Variants in PPP1R42 observed in about 807,000 individuals in gnomAD.
The protein encoded by PPP1R42 is protein phosphatase 1 regulatory subunit 42.
In PPP1R42, 34 loss-of-function variants were observed where a neutral mutation model predicts 31.0. The ratio of observed to expected loss-of-function variants is 1.10; its 90% CI spans 0.83 to 1.46. The LOEUF (loss-of-function observed/expected upper bound fraction) is 1.46, where lower values mean the gene tolerates loss of function less well. Among genes scored for constraint, PPP1R42 ranks in the 40% most tolerant of loss-of-function variants. The pLI is 0.00. For missense variants in PPP1R42, 268 were observed against 303.0 expected (o/e 0.88, Z 0.86); for synonymous variants, 103 against 109.8 (o/e 0.94, Z 0.39).
chr8:66,998,345 G>T (rs889634705), intron 5 of PPP1R42, among the ~76,000 whole-genome samples: 20 of 152,060 alleles, frequency 1.3e-4, no homozygotes, highest in Non-Finnish European at 2.1e-4. Flanking sequence ...TTCATTTCTA[G>T]TTGTTCACTG....
In PPP1R42 at chr8:66,972,588, C is replaced by T. The variant is rs191726825; in HGVS notation, c.803-8254G>A. On this transcript the variant is annotated intron_variant, in intron 7 of 7. Coordinates refer to ENST00000685739, the MANE Select transcript of PPP1R42 (RefSeq NM_001364910.1). ...TACTATTAGTAGAGGCGGGGTTTCA[C>T]CATGTTGGCCAGGCTGGTCGTGAAC... is the stretch of plus-strand genomic sequence containing the variant. Among the ~76,000 whole-genome samples, 601 of 152,198 alleles carry T rather than the reference C, an allele frequency of 3.9e-3. 7 individuals carry two copies. The highest frequency in any genetic ancestry group is 0.014 in the African/African-American group (586 of 41,518).
At chr8:66,970,806 T>C in intron 7 of PPP1R42, 1 of 630,894 alleles carries the variant, frequency 1.6e-6, no homozygotes, top group Non-Finnish European at 2.9e-6. Flanking sequence ...TTTCTGAGTG[T>C]TTGGGCAGAC....
chr8:66,971,204 G>T (rs1388390501), intron 7 of PPP1R42: 6 of 1,194,892 alleles, frequency 5.0e-6, no homozygotes, highest in Non-Finnish European at 6.7e-6. Context: ...TTTAAAAAGG[G>T]TATAACAATA....
At chr8:66,976,674 C>G (rs1814685436) in intron 7 of PPP1R42, among the ~76,000 whole-genome samples, 1 of 145,614 alleles carries the variant, frequency 6.9e-6, no homozygotes, top group Non-Finnish European at 1.5e-5. Context: ...CTTTCTGTTT[C>G]TGGCTTATTT....
Position 67,014,449 on chromosome 8 carries a change from C to A in PPP1R42, c.273G>T (p.Arg91Ser), listed in dbSNP as rs200625747. 52 of 1,541,970 alleles carry A rather than the reference C, an allele frequency of 3.4e-5. No individual in the cohort carries two copies. The East Asian group carries it at 1.2e-3, about 37-fold the overall frequency. ...NNCISCIENL[R>S]SLKKLEKLYL... is the part of the protein sequence containing the mutation. ...ACAGTTTTTCCAGTTTCTTTAATGA[C>A]CTGAGGTTCTCTATACATGAAATAC... Residue 91 changes from arginine to serine, a missense_variant, in exon 3 of 8, where the codon AGG (arginine) becomes AGT (serine). Transcript: ENST00000685739.
At chr8:67,027,073 GT>G (rs1426889928) in intron 1 of PPP1R42, 4 of 151,758 alleles carry the variant, frequency 2.6e-5, no homozygotes, top group Admixed American at 2.6e-4. Context: ...GCTAATTTTT[GT>G]ATTTTTAGTA....
rs1418182986 is a variant in PPP1R42, at chr8:67,013,570, GC to G, written c.297-475del. On this transcript the variant is annotated intron_variant, in intron 3 of 7. Transcript: ENST00000685739. The stretch of plus-strand genomic sequence containing the variant: ...AATAAATAAATAAATAAATAAGCAA[GC>G]CAGTCAGTTATTGTGGTGCATACTT... Among the ~76,000 whole-genome samples, 8 of 146,066 alleles carry G rather than the reference GC, an allele frequency of 5.5e-5. No individual in the cohort carries two copies. In the East Asian group the frequency reaches 1.6e-3, roughly 28 times the overall value.
chr8:66,985,443 C>T lies in PPP1R42; in HGVS notation c.670+2957G>A, dbSNP rs186812046. 7 of 824,128 alleles carry T rather than the reference C, an allele frequency of 8.5e-6. No individual in the cohort carries two copies. In the Admixed American group the frequency reaches 1.1e-4, roughly 13 times the overall value. The allele number at this position is 824,128 out of a possible 1,614,324, so 51.1% of individuals were successfully genotyped here. On this transcript the variant is annotated intron_variant, in intron 6 of 7. Coordinates refer to ENST00000685739, the MANE Select transcript of PPP1R42 (RefSeq NM_001364910.1). ...CCTTGCCTGTTGCATCTACAATGCA[C>T]CCTTGCTCATCTAGGATCAGTGGTG...
At chr8:66,984,015 C>A in intron 6 of PPP1R42, 1 of 1,041,590 alleles carries the variant, frequency 9.6e-7, no homozygotes, top group East Asian at 2.5e-5. Context: ...CCCTTTGTCC[C>A]AATGTCTGCT....
intron 5 of PPP1R42, among the ~76,000 whole-genome samples, chr8:66,991,181 C>CT (rs1031523682): frequency 1.2e-4 from 18 of 151,806 alleles, no homozygotes; most frequent in African/African-American, 4.4e-4. Flanking sequence ...AAAGATTAAA[C>CT]TTTTTTTTGT....
intron 4 of PPP1R42, among the ~76,000 whole-genome samples, 193 bp from the exon 5 acceptor site, chr8:67,011,024 T>C (rs1252884801): frequency 6.6e-6 from 1 of 152,114 alleles, no homozygotes; most frequent in African/African-American, 2.4e-5. Flanking sequence ...AACCACAGTA[T>C]GTCATATAAC....
At position 67,026,523 on chromosome 8, in the gene PPP1R42, A is replaced by G. The variant is rs551053923; in HGVS notation, c.-85+1968T>C. ...TAGGGAGGAAATCTTTCACATAAAA[A>G]TTTATTCTCCTGCTTTTAAGAAAAA... On this transcript the variant is annotated intron_variant, in intron 1 of 7. Coordinates refer to ENST00000685739, the MANE Select transcript of PPP1R42 (RefSeq NM_001364910.1). Among the ~76,000 whole-genome samples, 12 of 152,030 alleles carry G rather than the reference A, an allele frequency of 7.9e-5. No individual in the cohort carries two copies. The East Asian group carries it at 2.1e-3, about 27-fold the overall frequency.
At chr8:66,984,029 C>T in intron 6 of PPP1R42, 1 of 1,171,648 alleles carries the variant, frequency 8.5e-7, no homozygotes, top group Non-Finnish European at 1.3e-6. Context: ...GTCTGCTTGG[C>T]ACAGTTCTGA....
At chr8:67,016,308 T>C (rs771061445) in intron 2 of PPP1R42, among the ~76,000 whole-genome samples, 3 of 152,228 alleles carry the variant, frequency 2.0e-5, no homozygotes, top group Non-Finnish European at 4.4e-5. Context: ...TTTAGAGTGA[T>C]GTGAAACAAT....
At chr8:67,010,554 TATACAC>T in intron 5 of PPP1R42, 155 bp downstream of exon 5, 1 of 603,268 alleles carries the variant, frequency 1.7e-6, no homozygotes, top group South Asian at 2.1e-5. Flanking sequence ...AGGACAGAAT[TATACAC>T]ATAAATACAT....
chr8:66,988,143 C>A, intron 6 of PPP1R42: 1 of 1,084,884 alleles, frequency 9.2e-7, no homozygotes, highest in Non-Finnish European at 1.1e-6. Context: ...TATGACTAAC[C>A]ATTTTTATTG....
At position 66,972,434 on chromosome 8, in the gene PPP1R42, GGCTGGAATGCAGT is replaced by G. The variant is rs1429165741; in HGVS notation, c.803-8113_803-8101del. On this transcript the variant is annotated intron_variant, in intron 7 of 7. Transcript: ENST00000685739. The stretch of plus-strand genomic sequence containing the variant: ...AGACAGAGTGTCATCTTGTCACCCA[GGCTGGAATGCAGT>G]GGCACAATCTCGGCTCACTACAACC... 3.3e-5 allele frequency among the ~76,000 whole-genome samples: 5 copies of G among 152,192 alleles called. No homozygotes were observed. The East Asian group carries it at 5.8e-4, about 18-fold the overall frequency.
At chr8:67,000,108 C>T (rs1318294229) in intron 5 of PPP1R42, among the ~76,000 whole-genome samples, 1 of 151,626 alleles carries the variant, frequency 6.6e-6, no homozygotes, top group Non-Finnish European at 1.5e-5. Flanking sequence ...TGTTATTTTC[C>T]TTATTTCCTT....
chr8:67,027,272 A>G (rs941408038), intron 1 of PPP1R42, among the ~76,000 whole-genome samples: 1 of 152,204 alleles, frequency 6.6e-6, no homozygotes, highest in African/African-American at 2.4e-5. Flanking sequence ...CATATTCTTA[A>G]TACTTTCACT....
Sources: gnomAD v4.1 joint callset for allele counts (sites outside exome capture counted in the v4.1 genomes callset) on GRCh38, gnomAD v4.1.1 for gene constraint, MANE v1.5 for transcripts, NCBI Gene and HGNC (gene_info 2026-07-23, HGNC 2026-07-21) for gene names.